FBXO36: variants seen among roughly 807,000 people sequenced by gnomAD.
The protein encoded by FBXO36 is F-box protein 36.
FBXO36 carries 18 observed loss-of-function variants against 17.0 expected under a neutral mutation model. The ratio of observed to expected loss-of-function variants is 1.06; its 90% CI spans 0.73 to 1.57. FBXO36 has a LOEUF of 1.57. Ranked by LOEUF, FBXO36 falls within the 40% of genes most tolerant of loss-of-function variation. FBXO36 has a pLI of 0.00. For missense variants in FBXO36, 229 were observed against 221.9 expected (o/e 1.03, Z -0.20); for synonymous variants, 83 against 85.3 (o/e 0.97, Z 0.15).
rs1224584555 is a variant in FBXO36, at chr2:229,998,388, T to C, written c.378+1465T>C. The stretch of plus-strand genomic sequence containing the variant: ...CTGTAATCCCAGCACTTTGGGAGGC[T>C]GAGGCGGTTGGATCACCTGAGGTTG... On this transcript the variant is annotated intron_variant, in intron 3 of 3. Transcript: ENST00000283946. 1.3e-5 allele frequency among the ~76,000 whole-genome samples: 2 copies of C among 152,158 alleles called. 1 individual carries two copies. Among genetic ancestry groups the C allele is most frequent in the Non-Finnish European group, 2.9e-5 (2 of 68,028 alleles).
intron 1 of FBXO36, among the ~76,000 whole-genome samples, chr2:229,938,778 A>T (rs1181930336): frequency 3.2e-5 from 3 of 93,804 alleles, no homozygotes; most frequent in African/African-American, 4.2e-5. Context: ...TTTTCCCCCG[A>T]GGCAGAGTTT....
chr2:229,999,054 A>G (rs996074645), intron 3 of FBXO36, among the ~76,000 whole-genome samples: 1 of 151,336 alleles, frequency 6.6e-6, no homozygotes, highest in Non-Finnish European at 1.5e-5. Flanking sequence ...TGCCCGCCTC[A>G]GCCTCCCAAA....
chr2:229,979,706 G>A (rs1169072775), intron 2 of FBXO36, among the ~76,000 whole-genome samples: 1 of 151,714 alleles, frequency 6.6e-6, no homozygotes, highest in Non-Finnish European at 1.5e-5. Context: ...CTTGAACCCG[G>A]GAGGCGGAGT....
intron 3 of FBXO36, among the ~76,000 whole-genome samples, chr2:230,002,332 A>G (rs755153777): frequency 2.6e-5 from 4 of 151,556 alleles, no homozygotes; most frequent in Non-Finnish European, 5.9e-5. Context: ...AGCTTACTAC[A>G]CTGCATTTAG....
At chr2:229,980,535 C>A (rs2077233000) in intron 2 of FBXO36, among the ~76,000 whole-genome samples, 1 of 152,080 alleles carries the variant, frequency 6.6e-6, no homozygotes, top group South Asian at 2.1e-4. Flanking sequence ...TGATTGCTGG[C>A]TTACTTGCAG....
Position 229,942,390 on chromosome 2 carries a change from T to A in FBXO36, c.96+19781T>A, listed in dbSNP as rs569624116. Among the ~76,000 whole-genome samples the A allele has an allele frequency of 9.8e-4, 150 of 152,294 alleles. 1 individual carries two copies. The highest frequency in any genetic ancestry group is 1.6e-3 in the Non-Finnish European group (112 of 68,026). On this transcript the variant is annotated intron_variant, in intron 1 of 3. Coordinates refer to ENST00000283946, the MANE Select transcript of FBXO36 (RefSeq NM_174899.5). ...TGTTTCCTTTTATTTCTTTTCCTTC[T>A]TGTGTGTCTTTACCTACCCTGCATA...
chr2:229,947,645 G>A (rs959122384), intron 1 of FBXO36, among the ~76,000 whole-genome samples: 26 of 152,174 alleles, frequency 1.7e-4, no homozygotes, highest in Admixed American at 1.4e-3. Flanking sequence ...AAAGTACCAC[G>A]GAGTTGAATG....
At chr2:229,940,115 T>C (rs504553) in intron 1 of FBXO36, among the ~76,000 whole-genome samples, 37 of 152,234 alleles carry the variant, frequency 2.4e-4, no homozygotes, top group Non-Finnish European at 4.3e-4. Context: ...TAAGAAGCCA[T>C]TGGCAACATT....
At chr2:229,991,318 C>G (rs546520130) in intron 2 of FBXO36, among the ~76,000 whole-genome samples, 1 of 152,068 alleles carries the variant, frequency 6.6e-6, no homozygotes, top group Non-Finnish European at 1.5e-5. Context: ...CTGAATGTGT[C>G]CCCCCTCAAA....
rs181186991 is a variant in FBXO36, at chr2:229,995,651, G to A, written c.206-1100G>A. ...CTTGTTGCACAGGTTGGAGTGCAAT[G>A]GCATGATCTCAGCTCACCGCAACCT... is the stretch of plus-strand genomic sequence containing the variant. On this transcript the variant is annotated intron_variant, in intron 2 of 3. Coordinates refer to ENST00000283946, the MANE Select transcript of FBXO36 (RefSeq NM_174899.5). Among the ~76,000 whole-genome samples the A allele has an allele frequency of 4.6e-3, 578 of 125,968 alleles. 7 individuals carry two copies. Among genetic ancestry groups the A allele is most frequent in the African/African-American group, 0.015 (508 of 33,082 alleles). The allele number at this position is 125,968 out of a possible 152,430, so 82.6% of individuals were successfully genotyped here. A position where few individuals can be genotyped will look rare whatever the true frequency, so the allele number is the denominator to read the frequency against.
At chr2:229,941,328 GC>G (rs2076997597) in intron 1 of FBXO36, among the ~76,000 whole-genome samples, 1 of 152,114 alleles carries the variant, frequency 6.6e-6, no homozygotes, top group African/African-American at 2.4e-5. Context: ...GGTGGCACAC[GC>G]CTGTAGTCCC....
chr2:229,926,711 AAC>A (rs1465923632), intron 1 of FBXO36, among the ~76,000 whole-genome samples: 1 of 151,862 alleles, frequency 6.6e-6, no homozygotes, highest in African/African-American at 2.4e-5. Context: ...ACCACTGGGC[AAC>A]AGAGTGAGAC....
chr2:229,964,087 T>G (rs1036403162), intron 1 of FBXO36, among the ~76,000 whole-genome samples: 1 of 152,172 alleles, frequency 6.6e-6, no homozygotes, highest in African/African-American at 2.4e-5. Context: ...GATATTTTTC[T>G]CTCTTTATAC....
intron 2 of FBXO36, among the ~76,000 whole-genome samples, chr2:229,990,954 C>T (rs73105407): frequency 2.0e-5 from 3 of 151,632 alleles, no homozygotes; most frequent in Non-Finnish European, 2.9e-5. Flanking sequence ...TCCCCTCCCC[C>T]GCCCCGAGTT....
At chr2:229,941,535 A>G (rs1271402767) in intron 1 of FBXO36, among the ~76,000 whole-genome samples, 1 of 152,126 alleles carries the variant, frequency 6.6e-6, no homozygotes, top group Non-Finnish European at 1.5e-5. Flanking sequence ...AGGGAACTGA[A>G]ATAGGTCCAG....
chr2:229,955,406 C>T (rs1459292059), intron 1 of FBXO36, among the ~76,000 whole-genome samples: 9 of 151,990 alleles, frequency 5.9e-5, no homozygotes, highest in Non-Finnish European at 5.9e-5. Context: ...GTCCCAGCTA[C>T]TTGGGAGGCT....
chr2:230,006,386 G>A (rs1236170645), intron 3 of FBXO36, among the ~76,000 whole-genome samples: 1 of 152,234 alleles, frequency 6.6e-6, no homozygotes, highest in South Asian at 2.1e-4. Context: ...GTGAGCCACT[G>A]CGCCCTGCCA....
At position 229,932,854 on chromosome 2, in the gene FBXO36, C is replaced by T. The variant is rs999320384; in HGVS notation, c.96+10245C>T. On this transcript the variant is annotated intron_variant, in intron 1 of 3. Coordinates refer to ENST00000283946, the MANE Select transcript of FBXO36 (RefSeq NM_174899.5). ...GGAGGCCGAGCCAGGTGGATCACGA[C>T]GTCTGGAGTTGGAGACCAGCCTGAC... 3.8e-5 allele frequency: 12 copies of T among 318,836 alleles called. No individual in the cohort carries two copies. In the East Asian group the frequency reaches 1.3e-3, roughly 36 times the overall value. The allele number at this position is 318,836 out of a possible 1,614,324, so 19.8% of individuals were successfully genotyped here. A position where few individuals can be genotyped will look rare whatever the true frequency, so the allele number is the denominator to read the frequency against.
chr2:229,980,564 C>T (rs950604283), intron 2 of FBXO36, among the ~76,000 whole-genome samples: 3 of 152,166 alleles, frequency 2.0e-5, no homozygotes, highest in African/African-American at 7.2e-5. Flanking sequence ...AGTCTCTTGC[C>T]TGCTCCAGGC....
Sources: gnomAD v4.1 joint callset for allele counts (sites outside exome capture counted in the v4.1 genomes callset) on GRCh38, gnomAD v4.1.1 for gene constraint, MANE v1.5 for transcripts, NCBI Gene and HGNC (gene_info 2026-07-23, HGNC 2026-07-21) for gene names.